Variants in MTBP observed in about 807,000 individuals in gnomAD.
MTBP encodes the protein mdm2-binding protein.
Under a neutral mutation model 117.0 loss-of-function variants are expected in MTBP, and 101 were observed. The observed-to-expected ratio is 0.86, with a 90% CI of 0.73 to 1.02. MTBP has a LOEUF of 1.02. Among genes scored for constraint, MTBP ranks in the 50% least tolerant of loss-of-function variants. MTBP has a pLI of 0.00. For missense variants in MTBP, 970 were observed against 1,030.9 expected (o/e 0.94, Z 0.81); for synonymous variants, 350 against 351.5 (o/e 1.00, Z 0.05).
In MTBP at chr8:120,505,827, C is replaced by A. The variant is rs1395641081; in HGVS notation, c.1728-879C>A. 2.6e-5 allele frequency among the ~76,000 whole-genome samples: 4 copies of A among 152,052 alleles called. No individual in the cohort carries two copies. The East Asian group carries it at 5.8e-4, about 22-fold the overall frequency. On this transcript the variant is annotated intron_variant, in intron 15 of 21. Coordinates refer to ENST00000305949, the MANE Select transcript of MTBP (RefSeq NM_022045.5). ...GCTTTTCACTTGCCGGTATTTAAAA[C>A]TTTCTGTGAGTTTTTTTTCATTTAT...
In MTBP at chr8:120,480,766, G is replaced by T. The variant is rs191026242; in HGVS notation, c.1166-7393G>T. 4.3e-3 allele frequency among the ~76,000 whole-genome samples: 655 copies of T among 151,966 alleles called. 2 individuals carry two copies. Among genetic ancestry groups the T allele is most frequent in the Non-Finnish European group, 6.7e-3 (456 of 67,948 alleles). ...AAATGGATCATATAACTTAATTCAA[G>T]AGCTAAAATTATAAAGCTTTTGTAA... On this transcript the variant is annotated intron_variant, in intron 11 of 21. Transcript: ENST00000305949.
intron 18 of MTBP, 115 bp downstream of exon 18, chr8:120,516,306 G>T: frequency 1.1e-6 from 1 of 926,548 alleles, no homozygotes; most frequent in South Asian, 2.0e-5. Flanking sequence ...CAAGAAGTTT[G>T]TTTTATGAGC....
chr8:120,482,985 C>T (rs1476822051), intron 11 of MTBP, among the ~76,000 whole-genome samples: 1 of 151,724 alleles, frequency 6.6e-6, no homozygotes, highest in South Asian at 2.1e-4. Flanking sequence ...AGGAATGAGC[C>T]ACCGCACCCG....
At chr8:120,447,759 C>T (rs1011067066) in intron 2 of MTBP, among the ~76,000 whole-genome samples, 1 of 152,066 alleles carries the variant, frequency 6.6e-6, no homozygotes, top group Non-Finnish European at 1.5e-5. Flanking sequence ...ACCTTAGGTA[C>T]ATTGAGAATT....
intron 11 of MTBP, among the ~76,000 whole-genome samples, chr8:120,484,301 C>T (rs1303058587): frequency 6.6e-6 from 1 of 152,058 alleles, no homozygotes; most frequent in Non-Finnish European, 1.5e-5. Flanking sequence ...TATTTAAATT[C>T]ATGTTCTAAA....
intron 7 of MTBP, 82 bp from the exon 8 acceptor site, chr8:120,459,133 C>T (rs1349769348): frequency 1.6e-5 from 20 of 1,258,934 alleles, no homozygotes; most frequent in Non-Finnish European, 2.2e-5. Context: ...TTCCCCTCAA[C>T]TTTTACATTG....
chr8:120,516,465 T>G (rs1329734917), intron 18 of MTBP, among the ~76,000 whole-genome samples: 1 of 152,018 alleles, frequency 6.6e-6, no homozygotes, highest in African/African-American at 2.4e-5. Flanking sequence ...CCCCATAGAT[T>G]AAGCTGCTGA....
At chr8:120,457,304 C>T (rs1158940049) in intron 7 of MTBP, among the ~76,000 whole-genome samples, 1 of 151,986 alleles carries the variant, frequency 6.6e-6, no homozygotes, top group Non-Finnish European at 1.5e-5. Context: ...TAAGTTATGT[C>T]CATTTTGAAA....
At chr8:120,502,805 C>T (rs1814612764) in intron 15 of MTBP, among the ~76,000 whole-genome samples, 196 bp downstream of exon 15, 1 of 152,186 alleles carries the variant, frequency 6.6e-6, no homozygotes, top group Non-Finnish European at 1.5e-5. Context: ...TTGCTCTGCC[C>T]TGCACTTGTA....
chr8:120,502,735 T>A, intron 15 of MTBP, 126 bp downstream of exon 15: 1 of 578,794 alleles, frequency 1.7e-6, no homozygotes, highest in Non-Finnish European at 2.9e-6. Flanking sequence ...AATACATACT[T>A]ACTGTGAATA....
At chr8:120,514,599 G>C (rs79459033) in intron 17 of MTBP, among the ~76,000 whole-genome samples, 4,449 of 152,104 alleles carry the variant, frequency 0.029, 121 homozygotes, top group Admixed American at 0.067. Context: ...CATAGAGATA[G>C]TATACCAAAA....
chr8:120,473,545 T>C (rs1813868317), intron 11 of MTBP: 1 of 152,164 alleles, frequency 6.6e-6, no homozygotes, highest in South Asian at 2.1e-4. Flanking sequence ...ATTATAAGTC[T>C]GTTTGGCCAA....
At chr8:120,497,328 C>A in intron 13 of MTBP, 65 bp from the exon 14 acceptor site, 1 of 1,380,370 alleles carries the variant, frequency 7.2e-7, no homozygotes, top group Non-Finnish European at 9.8e-7. Flanking sequence ...ATATTTTCCA[C>A]AAAAGACTAG....
In MTBP at chr8:120,446,430, C is replaced by T. The variant is rs758550445; in HGVS notation, c.119-3C>T. ...TTGAGTTAGTCTATCTTTTCTTTTTCAGACTTCACAGCAGCAAATGTTTAT... is the reference window on the plus strand; with the variant it reads ...TTGAGTTAGTCTATCTTTTCTTTTTTAGACTTCACAGCAGCAAATGTTTAT... On this transcript the variant is annotated splice_polypyrimidine_tract_variant and splice_region_variant and intron_variant, in intron 1 of 21. Transcript: ENST00000305949. The T allele has an allele frequency of 3.1e-6, 5 of 1,595,460 alleles. No homozygotes were observed. The South Asian group carries it at 5.5e-5, about 18-fold the overall frequency.
intron 4 of MTBP, chr8:120,452,054 A>T (rs978819017): frequency 6.6e-6 from 1 of 152,104 alleles, no homozygotes; most frequent in African/African-American, 2.4e-5. Flanking sequence ...GTTTGTGAGG[A>T]TTATATGTAC....
intron 2 of MTBP, among the ~76,000 whole-genome samples, chr8:120,450,208 T>G (rs1813310030): frequency 6.6e-6 from 1 of 152,092 alleles, no homozygotes; most frequent in South Asian, 2.1e-4. Flanking sequence ...GGACAGTGCT[T>G]CTTACACGTT....
chr8:120,476,668 T>C (rs553030668), intron 11 of MTBP, among the ~76,000 whole-genome samples: 2 of 151,256 alleles, frequency 1.3e-5, no homozygotes, highest in African/African-American at 2.4e-5. Flanking sequence ...ACAAAGAGAA[T>C]AAAATACCTA....
At chr8:120,461,778 A>G (rs570377873) in intron 9 of MTBP, among the ~76,000 whole-genome samples, 2 of 152,236 alleles carry the variant, frequency 1.3e-5, no homozygotes, top group South Asian at 2.1e-4. Flanking sequence ...CCTTTTCCTG[A>G]AATCCAGGAA....
intron 12 of MTBP, among the ~76,000 whole-genome samples, chr8:120,489,779 C>A (rs190241212): frequency 5.9e-5 from 9 of 152,302 alleles, no homozygotes; most frequent in Admixed American, 5.2e-4. Context: ...GGTGTCTTGA[C>A]TGCATGTACG....
Sources: gnomAD v4.1 joint callset for allele counts (sites outside exome capture counted in the v4.1 genomes callset) on GRCh38, gnomAD v4.1.1 for gene constraint, MANE v1.5 for transcripts, NCBI Gene and HGNC (gene_info 2026-07-23, HGNC 2026-07-21) for gene names.